Variants in MACROD2 observed in about 807,000 individuals in gnomAD.
MACROD2 encodes the protein ADP-ribose glycohydrolase MACROD2.
In MACROD2, 36 loss-of-function variants were observed where a neutral mutation model predicts 70.4. The ratio of observed to expected loss-of-function variants is 0.51; its 90% confidence interval spans 0.39 to 0.68. The LOEUF is 0.68. Ranked by LOEUF, MACROD2 falls within the 30% of genes least tolerant of loss-of-function variation. The probability of loss-of-function intolerance (pLI) is 0.00; values close to 1 mark genes in which losing one functional copy is unlikely to be tolerated. For missense variants in MACROD2, 496 were observed against 538.4 expected, an observed-to-expected ratio of 0.92 and a Z score of 0.78; for synonymous variants, 172 against 178.8, an observed-to-expected ratio of 0.96 and a Z score of 0.30.
intron 6 of MACROD2, among the ~76,000 whole-genome samples, chr20:15,300,058 C>A (rs925939504): frequency 4.6e-5 from 7 of 152,104 alleles, no homozygotes; most frequent in Admixed American, 2.0e-4. Context: ...ATACCAATAT[C>A]CCTCTTAAAA....
intron 5 of MACROD2, among the ~76,000 whole-genome samples, chr20:15,075,636 C>CA (rs1354737955): frequency 3.4e-4 from 52 of 152,006 alleles, no homozygotes; most frequent in Admixed American, 3.3e-3. Context: ...CTTTCCATTG[C>CA]AAAAAAATGA....
intron 5 of MACROD2, among the ~76,000 whole-genome samples, chr20:15,054,198 T>C (rs1601005565): frequency 6.6e-6 from 1 of 152,230 alleles, no homozygotes. Context: ...TAAATTTAAT[T>C]GATAAAAGTA....
At chr20:14,442,758 C>A (rs902386614) in intron 3 of MACROD2, among the ~76,000 whole-genome samples, 1 of 151,980 alleles carries the variant, frequency 6.6e-6, no homozygotes, top group Non-Finnish European at 1.5e-5. Context: ...TACCTCCCCA[C>A]AAGAGATGGC....
chr20:15,978,661 A>T (rs778286531), intron 13 of MACROD2, among the ~76,000 whole-genome samples: 20 of 151,126 alleles, frequency 1.3e-4, no homozygotes, highest in Non-Finnish European at 2.8e-4. Flanking sequence ...GGCAATGGGG[A>T]AGAATGAGGA....
chr20:15,406,950 A>G (rs939507213), intron 6 of MACROD2, among the ~76,000 whole-genome samples: 3 of 152,132 alleles, frequency 2.0e-5, no homozygotes, highest in Non-Finnish European at 4.4e-5. Context: ...ACCCTTGGAG[A>G]AAGATTGAGC....
intron 5 of MACROD2, among the ~76,000 whole-genome samples, chr20:14,817,149 G>T (rs2072783208): frequency 6.6e-6 from 1 of 152,084 alleles, no homozygotes; most frequent in Non-Finnish European, 1.5e-5. Flanking sequence ...CTTGATGTGG[G>T]AGTGCTAATT....
chr20:16,042,769 C>T lies in MACROD2; in HGVS notation c.1231+1491C>T, dbSNP rs114031303. The stretch of plus-strand genomic sequence containing the variant: ...TTACATAGGGTTGCTGCATCTGGGG[C>T]CAGTTTATTTATGGGGTTTAAAATG... On this transcript the variant is annotated intron_variant, in intron 16 of 17. Coordinates refer to ENST00000684519, the MANE Select transcript of MACROD2 (RefSeq NM_001351661.2). Among the ~76,000 whole-genome samples, 592 of 152,062 alleles carry T rather than the reference C, an allele frequency of 3.9e-3. 2 individuals carry two copies. Among genetic ancestry groups the T allele is most frequent in the African/African-American group, 0.014 (571 of 41,498 alleles).
chr20:14,772,724 C>G (rs2072185058), intron 5 of MACROD2, among the ~76,000 whole-genome samples: 1 of 151,956 alleles, frequency 6.6e-6, no homozygotes, highest in South Asian at 2.1e-4. Flanking sequence ...CATAAATTGA[C>G]AATACTTTTA....
chr20:14,741,057 A>T (rs2071726584), intron 5 of MACROD2, among the ~76,000 whole-genome samples: 1 of 152,210 alleles, frequency 6.6e-6, no homozygotes, highest in Non-Finnish European at 1.5e-5. Context: ...TGACTTATTC[A>T]TTTAAAAGCT....
Position 14,706,866 on chromosome 20 carries a change from G to A in MACROD2, c.418+21907G>A, listed in dbSNP as rs188912836. On this transcript the variant is annotated intron_variant, in intron 5 of 17. Coordinates refer to ENST00000684519, the MANE Select transcript of MACROD2 (RefSeq NM_001351661.2). ...CTCATTCTAATTTTTAACTTATTTG[G>A]TGCTGCTGTGGAAAAGCTGTTTGCC... is the stretch of plus-strand genomic sequence containing the variant. Among the ~76,000 whole-genome samples the A allele has an allele frequency of 3.2e-3, 483 of 152,000 alleles. 4 individuals are homozygous for A. Among genetic ancestry groups the A allele is most frequent in the Admixed American group, 0.01 (160 of 15,248 alleles).
chr20:15,326,970 C>A (rs191746662), intron 6 of MACROD2, among the ~76,000 whole-genome samples: 58 of 152,272 alleles, frequency 3.8e-4, no homozygotes, highest in African/African-American at 1.4e-3. Context: ...CCACACTCAT[C>A]TTAGGTTCAT....
intron 3 of MACROD2, among the ~76,000 whole-genome samples, chr20:14,270,587 CAAA>C (rs11480264): frequency 8.0e-6 from 1 of 124,832 alleles, no homozygotes; most frequent in Non-Finnish European, 1.6e-5. Context: ...GACTCCATCT[CAAA>C]AAAAAAAAAA....
chr20:15,125,040 A>T (rs1164404604), intron 5 of MACROD2, among the ~76,000 whole-genome samples: 1 of 152,074 alleles, frequency 6.6e-6, no homozygotes, highest in African/African-American at 2.4e-5. Flanking sequence ...GGTGGAAATT[A>T]TTTGGCTAAA....
chr20:15,196,975 G>C, intron 5 of MACROD2: 1 of 985,404 alleles, frequency 1.0e-6, no homozygotes, highest in Non-Finnish European at 1.2e-6. Context: ...GGTATCCAAA[G>C]AGCACATTTT....
At chr20:14,619,113 CATT>C (rs149323929) in intron 4 of MACROD2, among the ~76,000 whole-genome samples, 326 of 151,946 alleles carry the variant, frequency 2.1e-3, no homozygotes, top group African/African-American at 7.2e-3. Context: ...GTAAAGATAT[CATT>C]ATTTCATTTG....
At chr20:14,129,250 G>C (rs2054689120) in intron 3 of MACROD2, among the ~76,000 whole-genome samples, 1 of 152,176 alleles carries the variant, frequency 6.6e-6, no homozygotes, top group Admixed American at 6.6e-5. Flanking sequence ...GGAAGAAGTT[G>C]ATTCTAACCC....
chr20:15,335,938 C>G (rs971652472), intron 6 of MACROD2, among the ~76,000 whole-genome samples: 5 of 151,670 alleles, frequency 3.3e-5, no homozygotes, highest in Admixed American at 3.3e-4. Flanking sequence ...CTAGAACATG[C>G]CTTGCGCTTT....
rs567895696 is a variant in MACROD2 at position 15,873,236 on chromosome 20, T to A, written c.727+10410T>A. Among the ~76,000 whole-genome samples the A allele has an allele frequency of 9.2e-5, 14 of 152,278 alleles. No homozygotes were observed. In the East Asian group the frequency reaches 2.7e-3, roughly 29 times the overall value. ...CATGTACTATACAACTTACAGGGATTACCATCCACAGGGACAGAAATATAA... is the reference window on the plus strand; with the variant it reads ...CATGTACTATACAACTTACAGGGATAACCATCCACAGGGACAGAAATATAA... On this transcript the variant is annotated intron_variant, in intron 9 of 17. Transcript: ENST00000684519.
At chr20:15,668,467 C>T (rs2049931927) in intron 8 of MACROD2, among the ~76,000 whole-genome samples, 1 of 151,954 alleles carries the variant, frequency 6.6e-6, no homozygotes, top group African/African-American at 2.4e-5. Context: ...ACTTGGGAGG[C>T]TGAGACAGGA....
Sources: allele counts gnomAD v4.1 joint callset (sites outside exome capture counted in the v4.1 genomes callset), GRCh38; gene constraint gnomAD v4.1.1; transcripts MANE v1.5; gene names NCBI Gene and HGNC (gene_info 2026-07-23, HGNC 2026-07-21).